Variants in CHN2 observed in about 807,000 individuals in gnomAD.
The protein encoded by CHN2 is chimerin 2, also known as beta-chimaerin.
CHN2 carries 35 observed loss-of-function variants against 56.3 expected under a neutral mutation model. The observed-to-expected ratio is 0.62, with a 90% CI of 0.47 to 0.82. CHN2 has a LOEUF of 0.82. Among genes scored for constraint, CHN2 ranks in the 40% least tolerant of loss-of-function variants. The pLI, the probability that CHN2 is intolerant of heterozygous loss-of-function variation, is 0.00. For synonymous variants in CHN2, 210 were observed against 212.8 expected (o/e 0.99, Z 0.12); for missense variants, 491 against 580.5 (o/e 0.85, Z 1.58).
At chr7:29,290,729 G>A (rs1416517270) in intron 1 of CHN2, among the ~76,000 whole-genome samples, 1 of 152,178 alleles carries the variant, frequency 6.6e-6, no homozygotes, top group African/African-American at 2.4e-5. Context: ...ATTTAGAAGT[G>A]TTAATGGTGG....
intron 1 of CHN2, among the ~76,000 whole-genome samples, chr7:29,267,463 C>T (rs1377975468): frequency 2.0e-5 from 3 of 152,024 alleles, no homozygotes; most frequent in East Asian, 1.9e-4. Context: ...AGGCTGGTCT[C>T]GAACTCTGAC....
At chr7:29,392,621 G>A (rs539906695) in intron 3 of CHN2, among the ~76,000 whole-genome samples, 4 of 152,072 alleles carry the variant, frequency 2.6e-5, no homozygotes, top group Non-Finnish European at 4.4e-5. Flanking sequence ...CCCCAGCTCC[G>A]CCTTTCTGAG....
intron 1 of CHN2, among the ~76,000 whole-genome samples, chr7:29,308,728 G>C (rs987602282): frequency 3.3e-5 from 5 of 152,198 alleles, no homozygotes. Flanking sequence ...GTGCCCAGGA[G>C]GAAAATTCAG....
Position 29,258,708 on chromosome 7 carries a change from A to G in CHN2, c.49+63718A>G, listed in dbSNP as rs1327205407. Among the ~76,000 whole-genome samples, 5 of 152,348 alleles carry G rather than the reference A, an allele frequency of 3.3e-5. No homozygotes were observed. In the South Asian group the frequency reaches 1.0e-3, roughly 32 times the overall value. ...TGCCTGCTACAAAAGCGTGAGACCC[A>G]CAAAATAACAGAGATAAAAACATAA... On this transcript the variant is annotated intron_variant, in intron 1 of 12. Coordinates refer to ENST00000222792, the MANE Select transcript of CHN2 (RefSeq NM_004067.4).
chr7:29,462,073 A>G (rs1435463769), intron 6 of CHN2, among the ~76,000 whole-genome samples: 1 of 152,212 alleles, frequency 6.6e-6, no homozygotes, highest in Non-Finnish European at 1.5e-5. Context: ...AAATATAGTC[A>G]TTGTTTCACA....
chr7:29,399,550 C>G (rs1239979107), intron 5 of CHN2, among the ~76,000 whole-genome samples: 5 of 152,090 alleles, frequency 3.3e-5, no homozygotes, highest in Non-Finnish European at 5.9e-5. Context: ...TCGCCGTAGC[C>G]CTATACATTT....
intron 1 of CHN2, among the ~76,000 whole-genome samples, chr7:29,346,205 C>T (rs923477926): frequency 6.6e-6 from 1 of 152,182 alleles, no homozygotes; most frequent in Non-Finnish European, 1.5e-5. Flanking sequence ...CTGACAAGAT[C>T]ATAGCTACAG....
rs1009246034 is a variant in CHN2 at position 29,308,475 on chromosome 7, G to A, written c.50-46150G>A. Among the ~76,000 whole-genome samples the A allele has an allele frequency of 2.0e-5, 3 of 152,340 alleles. No individual in the cohort carries two copies. In the East Asian group the frequency reaches 5.8e-4, roughly 29 times the overall value. ...CAAGGTGGTTGGGGTGTGTGTGTGT[G>A]TGTGTGTTGGGATAGGAATTGGGAT... On this transcript the variant is annotated intron_variant, in intron 1 of 12. Transcript: ENST00000222792.
intron 1 of CHN2, among the ~76,000 whole-genome samples, chr7:29,252,014 T>C (rs922091233): frequency 2.6e-5 from 4 of 151,950 alleles, no homozygotes; most frequent in Admixed American, 2.6e-4. Context: ...CAAACAGCAA[T>C]AGAAAGGCTC....
chr7:29,173,297 C>T (rs554405429), intron 2 of CHN2, among the ~76,000 whole-genome samples: 1 of 152,192 alleles, frequency 6.6e-6, no homozygotes, highest in East Asian at 1.9e-4. Flanking sequence ...ATGCATCTGC[C>T]AGGTGCTGGT....
intron 6 of CHN2, among the ~76,000 whole-genome samples, chr7:29,450,840 T>G (rs1784355649): frequency 6.6e-6 from 1 of 152,086 alleles, no homozygotes; most frequent in Admixed American, 6.6e-5. Flanking sequence ...GGTGTAATCT[T>G]GGCTCACTGC....
intron 1 of CHN2, among the ~76,000 whole-genome samples, chr7:29,293,711 C>A (rs1049746666): frequency 6.6e-6 from 1 of 152,146 alleles, no homozygotes; most frequent in Non-Finnish European, 1.5e-5. Flanking sequence ...CATTCAAGCA[C>A]GTACTTGAAA....
At chr7:29,420,991 G>A (rs1215014675) in intron 6 of CHN2, among the ~76,000 whole-genome samples, 1 of 152,082 alleles carries the variant, frequency 6.6e-6, no homozygotes, top group Non-Finnish European at 1.5e-5. Flanking sequence ...GGTAGAGACG[G>A]GGTTTCGCCA....
intron 2 of CHN2, among the ~76,000 whole-genome samples, chr7:29,183,551 A>AT (rs1798333440): frequency 6.6e-6 from 1 of 150,928 alleles, no homozygotes; most frequent in Admixed American, 6.6e-5. Flanking sequence ...TAACTTTTGT[A>AT]TTTTTAGTAG....
In CHN2 at chr7:29,330,732, C is replaced by T. The variant is rs1356518819; in HGVS notation, c.50-23893C>T. The stretch of plus-strand genomic sequence containing the variant: ...CCTTAACTTTGAAGCCTTGCTTGTG[C>T]TCAGAATACATCACAGAAAAGGAAA... On this transcript the variant is annotated intron_variant, in intron 1 of 12. Transcript: ENST00000222792. 2.6e-5 allele frequency among the ~76,000 whole-genome samples: 4 copies of T among 152,176 alleles called. No individual in the cohort carries two copies. The East Asian group carries it at 7.7e-4, about 29-fold the overall frequency.
At chr7:29,435,725 C>T (rs1249809874) in intron 6 of CHN2, among the ~76,000 whole-genome samples, 1 of 152,126 alleles carries the variant, frequency 6.6e-6, no homozygotes, top group Non-Finnish European at 1.5e-5. Flanking sequence ...AATAAGCCCT[C>T]CAGGTAACTC....
chr7:29,421,842 G>A lies in CHN2; in HGVS notation c.576+21014G>A, dbSNP rs78512201. On this transcript the variant is annotated intron_variant, in intron 6 of 12. Transcript: ENST00000222792. ...CACATTAAGAAGCTATTTGAACACC[G>A]GCCCATATATATTGTGATTTTCTCA... is the stretch of plus-strand genomic sequence containing the variant. Among the ~76,000 whole-genome samples, 92 of 152,206 alleles carry A rather than the reference G, an allele frequency of 6.0e-4. 3 individuals are homozygous for A. The East Asian group carries it at 0.015, about 24-fold the overall frequency.
chr7:29,440,850 TAGA>T (rs1464343643), intron 6 of CHN2, among the ~76,000 whole-genome samples: 1 of 152,154 alleles, frequency 6.6e-6, no homozygotes, highest in Non-Finnish European at 1.5e-5. Flanking sequence ...GATTTTTTGG[TAGA>T]AGTTTTTATT....
intron 5 of CHN2, 106 bp downstream of exon 5, chr7:29,398,592 A>G: frequency 2.8e-6 from 2 of 702,178 alleles, no homozygotes; most frequent in Non-Finnish European, 4.9e-6. Flanking sequence ...AAAATTCATC[A>G]TTTTTCCCAT....
Sources: allele counts gnomAD v4.1 joint callset (sites outside exome capture counted in the v4.1 genomes callset), GRCh38; gene constraint gnomAD v4.1.1; transcripts MANE v1.5; gene names NCBI Gene and HGNC (gene_info 2026-07-23, HGNC 2026-07-21).